The following ATRNL1 variants were observed in gnomAD, a reference collection of about 807,000 sequenced individuals.
The protein encoded by ATRNL1 is attractin-like protein 1.
A neutral mutation model predicts 182.7 loss-of-function variants in ATRNL1; 95 were observed. The observed-to-expected ratio is 0.52, with a 90% confidence interval of 0.44 to 0.62. ATRNL1 has a LOEUF of 0.62. Among genes scored for constraint, ATRNL1 ranks in the 20% least tolerant of loss-of-function variants. The probability of loss-of-function intolerance (pLI) is 0.00; values close to 1 mark genes in which losing one functional copy is unlikely to be tolerated. For synonymous variants in ATRNL1, 576 were observed against 568.3 expected (o/e 1.01, Z -0.19); for missense variants, 1,471 against 1,679.5 (o/e 0.88, Z 2.17).
At chr10:115,295,876 A>G (rs1186562401) in intron 15 of ATRNL1, among the ~76,000 whole-genome samples, 9 of 152,010 alleles carry the variant, frequency 5.9e-5, no homozygotes, top group Admixed American at 1.3e-4. Flanking sequence ...ACGAAAATGA[A>G]CTGCAGTACT....
chr10:115,368,245 C>T lies in ATRNL1; in HGVS notation c.3176-26414C>T, dbSNP rs140371285. Reference sequence around the variant, plus strand: ...TCTCGCGGTGCGCCGTTTTTTAAGCCGGTCCGAAAAGCGCAATATTCGGGT... The same window carrying T: ...TCTCGCGGTGCGCCGTTTTTTAAGCTGGTCCGAAAAGCGCAATATTCGGGT... On this transcript the variant is annotated intron_variant, in intron 19 of 28. Coordinates refer to ENST00000355044, the MANE Select transcript of ATRNL1 (RefSeq NM_207303.4). 5.2e-3 allele frequency among the ~76,000 whole-genome samples: 792 copies of T among 152,302 alleles called. 5 individuals carry two copies. Among genetic ancestry groups the T allele is most frequent in the African/African-American group, 0.016 (681 of 41,572 alleles).
Position 115,505,009 on chromosome 10 carries a change from G to A in ATRNL1, c.3655-14254G>A, listed in dbSNP as rs143659531. Among the ~76,000 whole-genome samples the A allele has an allele frequency of 4.8e-4, 73 of 152,030 alleles. No homozygotes were observed. The East Asian group carries it at 0.014, about 28-fold the overall frequency. On this transcript the variant is annotated intron_variant, in intron 24 of 28. Coordinates refer to ENST00000355044, the MANE Select transcript of ATRNL1 (RefSeq NM_207303.4). Reference sequence around the variant, plus strand: ...TTTTCAGCTAAATAGCCTTAAATTTGCATATTAAAGGAGACAACTCAGGTG... The same window carrying A: ...TTTTCAGCTAAATAGCCTTAAATTTACATATTAAAGGAGACAACTCAGGTG...
At chr10:115,181,488 TA>T (rs1389211496) in intron 8 of ATRNL1, among the ~76,000 whole-genome samples, 3 of 151,790 alleles carry the variant, frequency 2.0e-5, no homozygotes, top group Non-Finnish European at 3.0e-5. Flanking sequence ...ATTTACTTGT[TA>T]AAAAAAATCA....
intron 23 of ATRNL1, 100 bp downstream of exon 23, chr10:115,467,352 T>C (rs1351564403): frequency 3.9e-6 from 3 of 769,854 alleles, no homozygotes; most frequent in Non-Finnish European, 6.1e-6. Flanking sequence ...ATTTTAAAAA[T>C]GTTATATGAC....
At chr10:115,449,566 T>G (rs941956306) in intron 21 of ATRNL1, among the ~76,000 whole-genome samples, 62 of 152,298 alleles carry the variant, frequency 4.1e-4, no homozygotes, top group Non-Finnish European at 1.2e-4. Flanking sequence ...AAGAAGACAC[T>G]GTAACACATG....
chr10:115,717,963 T>A (rs1947308946), intron 26 of ATRNL1, among the ~76,000 whole-genome samples: 1 of 152,202 alleles, frequency 6.6e-6, no homozygotes, highest in Admixed American at 6.5e-5. Flanking sequence ...CTATTTCTGA[T>A]AATGAGTTGT....
chr10:115,840,839 G>A (rs370380541), intron 27 of ATRNL1, among the ~76,000 whole-genome samples: 4 of 151,784 alleles, frequency 2.6e-5, no homozygotes, highest in Non-Finnish European at 5.9e-5. Context: ...TGAATGGAGG[G>A]GCCTGAAAAA....
At chr10:115,195,484 G>T (rs1193647836) in intron 8 of ATRNL1, among the ~76,000 whole-genome samples, 1 of 152,014 alleles carries the variant, frequency 6.6e-6, no homozygotes, top group African/African-American at 2.4e-5. Context: ...ATATGTCAGG[G>T]ATTCTTTATA....
intron 13 of ATRNL1, among the ~76,000 whole-genome samples, chr10:115,271,172 A>G (rs1047230051): frequency 1.1e-4 from 15 of 142,372 alleles, no homozygotes; most frequent in Non-Finnish European, 1.6e-4. Context: ...TATTACACAC[A>G]CACACACACA....
At chr10:115,639,009 C>A (rs531181994) in intron 26 of ATRNL1, among the ~76,000 whole-genome samples, 53 of 152,100 alleles carry the variant, frequency 3.5e-4, no homozygotes, top group African/African-American at 1.3e-3. Context: ...GAAAACTATC[C>A]CAATTTGGCA....
intron 5 of ATRNL1, among the ~76,000 whole-genome samples, chr10:115,157,466 A>G (rs1554882353): frequency 6.6e-6 from 1 of 152,052 alleles, no homozygotes; most frequent in Admixed American, 6.6e-5. Context: ...CATTCTATTT[A>G]TAAATGGATT....
At chr10:115,435,841 T>C (rs1554964715) in intron 21 of ATRNL1, among the ~76,000 whole-genome samples, 1 of 152,168 alleles carries the variant, frequency 6.6e-6, no homozygotes, top group East Asian at 1.9e-4. Context: ...AAATGAAATT[T>C]TACTAGAATC....
intron 26 of ATRNL1, among the ~76,000 whole-genome samples, chr10:115,634,931 G>A (rs1357464997): frequency 6.6e-6 from 1 of 151,746 alleles, no homozygotes; most frequent in African/African-American, 2.4e-5. Context: ...GGGCCTTAGG[G>A]CCTAGAGAGT....
At chr10:115,593,892 A>G (rs1424577645) in intron 26 of ATRNL1, among the ~76,000 whole-genome samples, 1 of 152,044 alleles carries the variant, frequency 6.6e-6, no homozygotes, top group Admixed American at 6.6e-5. Context: ...TTTTTTCTAC[A>G]GGTAGTATAC....
At chr10:115,796,779 C>T (rs78882828) in intron 27 of ATRNL1, among the ~76,000 whole-genome samples, 6,749 of 152,198 alleles carry the variant, frequency 0.044, 438 homozygotes, top group African/African-American at 0.14. Flanking sequence ...AAAATGAAGC[C>T]TTTTCATGGG....
chr10:115,487,845 A>G (rs1012368849), intron 24 of ATRNL1, among the ~76,000 whole-genome samples: 1 of 152,200 alleles, frequency 6.6e-6, no homozygotes, highest in Non-Finnish European at 1.5e-5. Context: ...TTGCCCATTC[A>G]GTATGATATT....
intron 19 of ATRNL1, among the ~76,000 whole-genome samples, chr10:115,392,631 T>A (rs912877179): frequency 1.1e-4 from 16 of 152,162 alleles, no homozygotes; most frequent in African/African-American, 3.9e-4. Context: ...GAAGAATAGT[T>A]GTCATATTTA....
At chr10:115,847,375 C>T (rs1324198264) in intron 27 of ATRNL1, among the ~76,000 whole-genome samples, 7 of 151,798 alleles carry the variant, frequency 4.6e-5, no homozygotes, top group South Asian at 2.1e-4. Context: ...GCTCTTTCCA[C>T]GAAAAAATAG....
At chr10:115,305,816 A>G (rs1246822273) in intron 17 of ATRNL1, among the ~76,000 whole-genome samples, 3 of 152,194 alleles carry the variant, frequency 2.0e-5, no homozygotes, top group African/African-American at 4.8e-5. Context: ...AATGTCAGCT[A>G]GAGGATGTTG....
Sources: gnomAD v4.1 joint callset for allele counts (sites outside exome capture counted in the v4.1 genomes callset) on GRCh38, gnomAD v4.1.1 for gene constraint, MANE v1.5 for transcripts, NCBI Gene and HGNC (gene_info 2026-07-23, HGNC 2026-07-21) for gene names.